Variants in NRG2 observed in about 807,000 individuals in gnomAD.
The protein encoded by NRG2 is neuregulin 2, also known as pro-neuregulin-2, membrane-bound isoform.
NRG2 carries 27 observed loss-of-function variants against 73.9 expected under a neutral mutation model. That is an observed-to-expected ratio of 0.37 (90% CI 0.27 to 0.50). The LOEUF is 0.50. Ranked by LOEUF, NRG2 falls within the 20% of genes least tolerant of loss-of-function variation. The probability of loss-of-function intolerance (pLI) is 0.96; values close to 1 mark genes in which losing one functional copy is unlikely to be tolerated. For synonymous variants in NRG2, 532 were observed against 541.0 expected (o/e 0.98, Z 0.23); for missense variants, 1,126 against 1,210.1 (o/e 0.93, Z 1.03).
chr5:140,031,091 T>C (rs578241542), intron 1 of NRG2, among the ~76,000 whole-genome samples: 1 of 152,274 alleles, frequency 6.6e-6, no homozygotes, highest in African/African-American at 2.4e-5. Flanking sequence ...TATGCCTACC[T>C]CCCCATTAGG....
intron 1 of NRG2, among the ~76,000 whole-genome samples, chr5:139,996,297 T>A (rs1030790325): frequency 6.6e-6 from 1 of 152,222 alleles, no homozygotes; most frequent in Admixed American, 6.5e-5. Flanking sequence ...AATAAACTTC[T>A]GCAAAAATGA....
At chr5:139,890,583 T>G (rs1016730200) in intron 1 of NRG2, among the ~76,000 whole-genome samples, 2 of 151,966 alleles carry the variant, frequency 1.3e-5, no homozygotes, top group Admixed American at 6.6e-5. Context: ...CTGCTTTATC[T>G]TCCTTCCCTT....
rs1305078136 is a variant in NRG2 at position 140,004,217 on chromosome 5, T to C, written c.700+38153A>G. ...GAGTAAAGACTTCATCAAGGAATGA[T>C]ATGTCTTATTAAGATTATTCTCTAC... is the stretch of plus-strand genomic sequence containing the variant. On this transcript the variant is annotated intron_variant, in intron 1 of 9. Coordinates refer to ENST00000361474, the MANE Select transcript of NRG2 (RefSeq NM_004883.3). Among the ~76,000 whole-genome samples the C allele has an allele frequency of 4.6e-5, 7 of 152,202 alleles. No individual in the cohort carries two copies. The East Asian group carries it at 1.2e-3, about 25-fold the overall frequency.
At chr5:139,848,779 G>GGGA in intron 9 of NRG2, 82 bp from the exon 10 acceptor site, 1 of 198,602 alleles carries the variant, frequency 5.0e-6, no homozygotes, top group Non-Finnish European at 1.0e-5. Context: ...GGTAGGGTGG[G>GGGA]AGGGGCGGAC....
At chr5:139,855,162 G>C (rs533393380) in intron 6 of NRG2, among the ~76,000 whole-genome samples, 1 of 152,292 alleles carries the variant, frequency 6.6e-6, no homozygotes, top group Admixed American at 6.5e-5. Context: ...TCCCAAGGCG[G>C]GGTCAGGCAG....
chr5:139,851,958 C>A lies in NRG2; in HGVS notation c.1545-127G>T. 1 of 750,234 alleles carries A rather than the reference C, an allele frequency of 1.3e-6. No individual in the cohort carries two copies. Among genetic ancestry groups the A allele is most frequent in the Non-Finnish European group, 2.2e-6 (1 of 455,984 alleles). 46.5% of individuals were successfully genotyped at this position (750,234 alleles called of 1,614,324 possible). ...TCCCTTAGCTCAATGCCCTTCTCCA[C>A]TCTGGGGTGATGTGTATTGTTGCAA... On this transcript the variant is annotated intron_variant, in intron 8 of 9. Transcript: ENST00000361474. This position sits in a 1 kb window ranked among gnomAD's most constrained non-coding sequence, Gnocchi z 4.2.
At chr5:139,968,699 G>T (rs958053146) in intron 1 of NRG2, among the ~76,000 whole-genome samples, 6 of 152,166 alleles carry the variant, frequency 3.9e-5, no homozygotes, top group Admixed American at 3.9e-4. Flanking sequence ...CTGTGTTCTG[G>T]ACACTACTCC....
At chr5:139,877,176 A>T (rs1763238265) in intron 3 of NRG2, among the ~76,000 whole-genome samples, 1 of 152,152 alleles carries the variant, frequency 6.6e-6, no homozygotes, top group Non-Finnish European at 1.5e-5. Flanking sequence ...AGTGGGTTGG[A>T]CCAAGCTATT....
At chr5:139,888,191 C>G (rs541538767) in intron 1 of NRG2, among the ~76,000 whole-genome samples, 1 of 152,114 alleles carries the variant, frequency 6.6e-6, no homozygotes, top group African/African-American at 2.4e-5. Context: ...AGCCAGTGCT[C>G]GTGCTGAGGT....
Position 139,882,722 on chromosome 5 carries a change from T to A in NRG2, c.873-1748A>T, listed in dbSNP as rs111750635. Among the ~76,000 whole-genome samples the A allele has an allele frequency of 8.9e-3, 1,351 of 152,176 alleles. 11 individuals are homozygous for A. The highest frequency in any genetic ancestry group is 0.013 in the Non-Finnish European group (910 of 67,986). On this transcript the variant is annotated intron_variant, in intron 2 of 9. Coordinates refer to ENST00000361474, the MANE Select transcript of NRG2 (RefSeq NM_004883.3). ...GAGGGTCCGGGGGTGGGGGTGTTGA[T>A]GCACAGGGGACTCAGAGCCAGATTC... is the stretch of plus-strand genomic sequence containing the variant.
At position 139,848,339 on chromosome 5, in the gene NRG2, C is replaced by T; in HGVS notation, c.2131G>A (p.Asp711Asn). The T allele has an allele frequency of 1.6e-6, 2 of 1,213,688 alleles. No homozygotes were observed. Among genetic ancestry groups the T allele is most frequent in the Non-Finnish European group, 2.0e-6 (2 of 978,724 alleles). The allele number at this position is 1,213,688 out of a possible 1,614,324, so 75.2% of individuals were successfully genotyped here. Residue 711 changes from aspartate to asparagine, a missense_variant, in exon 10 of 10, where the codon GAC becomes AAC. Asp to Asn is a conservative substitution (Grantham distance 23). Transcript: ENST00000361474. ...CACTCCTGCGTGGTCTCGTACTCGT[C>T]GTCCTCGGGGATGCGGAAGGGGCTG... ...PASPFRIPED[D>N]EYETTQECAP...
At chr5:139,991,667 G>A (rs1050351283) in intron 1 of NRG2, among the ~76,000 whole-genome samples, 1 of 152,168 alleles carries the variant, frequency 6.6e-6, no homozygotes. Flanking sequence ...AAAGTGCTGG[G>A]ATTACAGGCG....
intron 1 of NRG2, among the ~76,000 whole-genome samples, chr5:139,982,049 G>A (rs1369535507): frequency 6.6e-6 from 1 of 152,210 alleles, no homozygotes; most frequent in East Asian, 1.9e-4. Flanking sequence ...ACCTTACATG[G>A]TTCAGGGGTT....
At chr5:139,967,974 A>AAAT (rs1755668321) in intron 1 of NRG2, among the ~76,000 whole-genome samples, 3 of 144,420 alleles carry the variant, frequency 2.1e-5, no homozygotes, top group East Asian at 2.1e-4. Flanking sequence ...ATAAAACATA[A>AAAT]AAATAAATAA....
chr5:139,977,519 C>T (rs1407546370), intron 1 of NRG2, among the ~76,000 whole-genome samples: 1 of 152,114 alleles, frequency 6.6e-6, no homozygotes, highest in African/African-American at 2.4e-5. Flanking sequence ...CCATACTGCC[C>T]AAGGTAATTT....
At chr5:140,027,038 T>C (rs1423402001) in intron 1 of NRG2, among the ~76,000 whole-genome samples, 3 of 152,130 alleles carry the variant, frequency 2.0e-5, no homozygotes, top group Non-Finnish European at 4.4e-5. Context: ...TAGAGTGCAG[T>C]GGTGCAATCA....
rs1761038128 is a variant in NRG2 at position 139,846,952 on chromosome 5, G to T, written c.*965C>A. 1 of 151,932 alleles carries T rather than the reference G, an allele frequency of 6.6e-6. No individual in the cohort carries two copies. The highest frequency in any genetic ancestry group is 2.4e-5 in the African/African-American group (1 of 41,318). The allele number at this position is 151,932 out of a possible 1,614,324, so 9.4% of individuals were successfully genotyped here. On this transcript the variant is annotated 3_prime_UTR_variant, in exon 10 of 10. Transcript: ENST00000361474. ...GTGGACCCAGTTTTTGGGGGTGGGA[G>T]GGCAGGACTGGAGACGAGTGGATGT...
intron 1 of NRG2, among the ~76,000 whole-genome samples, chr5:139,972,474 C>T (rs1756042968): frequency 6.6e-6 from 1 of 152,154 alleles, no homozygotes; most frequent in African/African-American, 2.4e-5. Context: ...CCTGTAATCC[C>T]AGCACTTTGG....
In NRG2 at chr5:139,926,187, A is replaced by G. The variant is rs558300361; in HGVS notation, c.701-38676T>C. On this transcript the variant is annotated intron_variant, in intron 1 of 9. Transcript: ENST00000361474. ...GAAGATTTGCTTCTTTGGGTCTCCA[A>G]GAGGTGATGTGTCATGCCACACATG... Among the ~76,000 whole-genome samples, 83 of 152,330 alleles carry G rather than the reference A, an allele frequency of 5.4e-4. 2 individuals are homozygous for G. Among genetic ancestry groups the G allele is most frequent in the African/African-American group, 1.3e-3 (54 of 41,578 alleles).
Sources: allele counts gnomAD v4.1 joint callset (sites outside exome capture counted in the v4.1 genomes callset), GRCh38; gene constraint gnomAD v4.1.1; non-coding constraint Gnocchi (gnomAD v3.1); transcripts MANE v1.5; gene names NCBI Gene and HGNC (gene_info 2026-07-23, HGNC 2026-07-21).